The following MRTFB variants were observed in gnomAD, a reference collection of about 807,000 sequenced individuals.
MRTFB encodes the protein myocardin-related transcription factor B.
MRTFB carries 29 observed loss-of-function variants against 104.2 expected under a neutral mutation model. The observed-to-expected ratio is 0.28, with a 90% CI of 0.21 to 0.38. The LOEUF is 0.38. Ranked by LOEUF, MRTFB falls within the 10% of genes least tolerant of loss-of-function variation. The probability of loss-of-function intolerance (pLI) is 1.00; values close to 1 mark genes in which losing one functional copy is unlikely to be tolerated. For synonymous variants in MRTFB, 535 were observed against 519.5 expected, an observed-to-expected ratio of 1.03 and a Z score of -0.41; for missense variants, 1,270 against 1,341.6, an observed-to-expected ratio of 0.95 and a Z score of 0.83.
At chr16:14,187,822 G>A (rs1567430758) in intron 3 of MRTFB, among the ~76,000 whole-genome samples, 1 of 152,176 alleles carries the variant, frequency 6.6e-6, no homozygotes. Flanking sequence ...TGAGACATGA[G>A]GGTCACTCTT....
the MRTFB span, among the ~76,000 whole-genome samples, chr16:14,028,785 G>A: frequency 6.6e-6 from 1 of 152,168 alleles, no homozygotes; most frequent in South Asian, 2.1e-4. Context: ...TAGCTTACTA[G>A]ACTCGTGTGC....
Position 14,216,564 on chromosome 16 carries a change from TC to T in MRTFB, c.353-560del, listed in dbSNP as rs1172940453. Among the ~76,000 whole-genome samples the T allele has an allele frequency of 9.9e-5, 15 of 152,276 alleles. No individual in the cohort carries two copies. The East Asian group carries it at 2.3e-3, about 23-fold the overall frequency. On this transcript the variant is annotated intron_variant, in intron 6 of 16. Coordinates refer to ENST00000571589, the MANE Select transcript of MRTFB (RefSeq NM_001308142.2). ...ATTACTGTATATTATAGTTGAATGT[TC>T]CTAACAGACACAAGGATATGTATTC...
chr16:14,016,909 A>T, the MRTFB span, among the ~76,000 whole-genome samples: 5 of 152,186 alleles, frequency 3.3e-5, no homozygotes, highest in African/African-American at 1.2e-4. Flanking sequence ...TCCCTTCATC[A>T]TAAGCAATTG....
chr16:14,147,328 C>T (rs963642612), intron 3 of MRTFB, among the ~76,000 whole-genome samples: 1 of 152,212 alleles, frequency 6.6e-6, no homozygotes. Flanking sequence ...TGGCAGCTCT[C>T]ATACTTTTTG....
At chr16:14,083,540 G>A (rs1431771151) in intron 2 of MRTFB, among the ~76,000 whole-genome samples, 4 of 152,162 alleles carry the variant, frequency 2.6e-5, no homozygotes, top group South Asian at 2.1e-4. Flanking sequence ...GTTTTACTGT[G>A]TTGGGCCTGG....
intron 3 of MRTFB, among the ~76,000 whole-genome samples, chr16:14,172,227 T>TC (rs530208389): frequency 2.8e-4 from 42 of 151,602 alleles, no homozygotes; most frequent in South Asian, 2.5e-3. Flanking sequence ...CTTCCCCGCC[T>TC]CCCCCCCACA....
intron 9 of MRTFB, among the ~76,000 whole-genome samples, chr16:14,236,889 A>C (rs4781585): frequency 0.027 from 4,102 of 152,298 alleles, 71 homozygotes; most frequent in Middle Eastern, 0.082. Flanking sequence ...AGCTGGGGAG[A>C]TAACAGAAGT....
intron 2 of MRTFB, among the ~76,000 whole-genome samples, chr16:14,100,183 C>T (rs1048017280): frequency 1.3e-5 from 2 of 148,426 alleles, no homozygotes; most frequent in Non-Finnish European, 2.9e-5. Flanking sequence ...TCTTGTTCCT[C>T]ATATTAAAGG....
chr16:14,210,495 C>A (rs2041145874), intron 4 of MRTFB, among the ~76,000 whole-genome samples, 187 bp downstream of exon 4: 1 of 152,200 alleles, frequency 6.6e-6, no homozygotes, highest in African/African-American at 2.4e-5. Context: ...AAACCAGATG[C>A]AGTTTAAAAG....
At chr16:14,255,586 A>C (rs1401066732) in intron 15 of MRTFB, among the ~76,000 whole-genome samples, 1 of 152,248 alleles carries the variant, frequency 6.6e-6, no homozygotes, top group Non-Finnish European at 1.5e-5. Flanking sequence ...ATAAAGAAAA[A>C]TTGAGTTAGT....
the MRTFB span, chr16:14,009,200 C>T: frequency 1.3e-5 from 2 of 152,160 alleles, no homozygotes; most frequent in Admixed American, 6.6e-5. Context: ...CCTCCTTCCT[C>T]AGCCTCCCAT....
At chr16:14,068,692 G>A (rs2033546204), upstream of MRTFB, among the ~76,000 whole-genome samples, 1 of 152,150 alleles carries the variant, frequency 6.6e-6, no homozygotes, top group Non-Finnish European at 1.5e-5. Context: ...TTCCACAGGG[G>A]ATTTGTGACG....
intron 1 of MRTFB, among the ~76,000 whole-genome samples, chr16:14,076,617 T>C (rs1193863647): frequency 1.3e-5 from 2 of 152,258 alleles, no homozygotes; most frequent in Non-Finnish European, 2.9e-5. Context: ...AATAACCTTG[T>C]GCACATATTA....
intron 3 of MRTFB, among the ~76,000 whole-genome samples, chr16:14,148,437 A>C (rs1445094401): frequency 3.9e-5 from 6 of 152,194 alleles, no homozygotes; most frequent in Admixed American, 3.9e-4. Context: ...GATCCATGAC[A>C]ATTTTTCTTT....
At chr16:13,996,747 A>G in the MRTFB span, among the ~76,000 whole-genome samples, 1 of 152,228 alleles carries the variant, frequency 6.6e-6, no homozygotes. Context: ...CTGGTTGGGT[A>G]GGCAGAGAAT....
At chr16:14,136,284 GAAAA>G (rs924891436) in intron 2 of MRTFB, among the ~76,000 whole-genome samples, 1 of 150,406 alleles carries the variant, frequency 6.6e-6, no homozygotes, top group Non-Finnish European at 1.5e-5. Flanking sequence ...AAAAAAAAAA[GAAAA>G]AAAAAGTTCC....
the MRTFB span, among the ~76,000 whole-genome samples, chr16:14,003,377 C>T: frequency 1.3e-5 from 2 of 152,232 alleles, no homozygotes; most frequent in Non-Finnish European, 2.9e-5. Flanking sequence ...CCACTTCCCT[C>T]TGCTCCTGCT....
chr16:14,251,376 CAAAAA>C (rs776143724), intron 13 of MRTFB, among the ~76,000 whole-genome samples: 1 of 44,704 alleles, frequency 2.2e-5, no homozygotes, highest in African/African-American at 7.7e-5. Context: ...GACTCCGTCT[CAAAAA>C]AAAAAAAAAA....
the MRTFB span, among the ~76,000 whole-genome samples, chr16:14,059,709 G>A: frequency 6.6e-6 from 1 of 152,168 alleles, no homozygotes; most frequent in Non-Finnish European, 1.5e-5. Flanking sequence ...ATGCTGGACA[G>A]AAAGACAGGC....
Sources: allele counts gnomAD v4.1 joint callset (sites outside exome capture counted in the v4.1 genomes callset), GRCh38; gene constraint gnomAD v4.1.1; transcripts MANE v1.5; gene names NCBI Gene and HGNC (gene_info 2026-07-23, HGNC 2026-07-21).